Variants in GSTO2 observed in about 807,000 individuals in gnomAD.
The protein encoded by GSTO2 is glutathione S-transferase omega-2.
Under a neutral mutation model 28.4 loss-of-function variants are expected in GSTO2, and 23 were observed. The ratio of observed to expected loss-of-function variants is 0.81; its 90% CI spans 0.58 to 1.15. The LOEUF is 1.15. GSTO2 is among the 50% of genes most tolerant of loss of function. The probability of loss-of-function intolerance (pLI) is 0.00; values close to 1 mark genes in which losing one functional copy is unlikely to be tolerated. For missense variants in GSTO2, 298 were observed against 297.8 expected, an observed-to-expected ratio of 1.00 and a Z score of 0.00; for synonymous variants, 109 against 111.0, an observed-to-expected ratio of 0.98 and a Z score of 0.11.
At position 104,299,767 on chromosome 10, in the gene GSTO2, T is replaced by A. The variant is rs1423719208; in HGVS notation, c.*483T>A. 3.6e-5 allele frequency: 6 copies of A among 166,814 alleles called. No individual in the cohort carries two copies. The highest frequency in any genetic ancestry group is 7.7e-5 in the Non-Finnish European group (6 of 78,114). 10.3% of individuals were successfully genotyped at this position (166,814 alleles called of 1,614,324 possible). On this transcript the variant is annotated 3_prime_UTR_variant, in exon 7 of 7. Coordinates refer to ENST00000338595, the MANE Select transcript of GSTO2 (RefSeq NM_183239.2). ...GTTGAGATTACAGGCATGAGCCACC[T>A]GGCCTGCCTAGCCTGTAGCTTCTAA... is the stretch of plus-strand genomic sequence containing the variant.
At chr10:104,283,906 A>T (rs74154782) in intron 5 of GSTO2, among the ~76,000 whole-genome samples, 9,294 of 152,212 alleles carry the variant, frequency 0.061, 968 homozygotes, top group African/African-American at 0.21. Context: ...CCAAGATTTC[A>T]TGCATAATCT....
intron 5 of GSTO2, among the ~76,000 whole-genome samples, chr10:104,293,563 A>ATATTTTTTTTTTTTTTTTT (rs2012877371): frequency 3.7e-5 from 3 of 81,652 alleles, no homozygotes; most frequent in Non-Finnish European, 4.7e-5. Context: ...CGCCTGGCCA[A>ATATTTTTTTTTTTTTTTTT]TTTTTTTTTT....
At position 104,300,200 on chromosome 10, in the gene GSTO2, T is replaced by A. The variant is rs1320876969; in HGVS notation, c.*916T>A. On this transcript the variant is annotated 3_prime_UTR_variant, in exon 7 of 7. Transcript: ENST00000338595. ...CACCCAGGACTAACTACGTCAGAATTTCACTGGTGCTGTCAGGGCTCAGGA... is the reference window on the plus strand; with the variant it reads ...CACCCAGGACTAACTACGTCAGAATATCACTGGTGCTGTCAGGGCTCAGGA... The A allele has an allele frequency of 6.6e-6, 1 of 152,166 alleles. No individual in the cohort carries two copies. The highest frequency in any genetic ancestry group is 1.5e-5 in the Non-Finnish European group (1 of 68,030). 9.4% of individuals were successfully genotyped at this position (152,166 alleles called of 1,614,324 possible). A position where few individuals can be genotyped will look rare whatever the true frequency, so the allele number is the denominator to read the frequency against.
At chr10:104,285,309 C>T (rs2012354089) in intron 5 of GSTO2, among the ~76,000 whole-genome samples, 1 of 152,006 alleles carries the variant, frequency 6.6e-6, no homozygotes, top group African/African-American at 2.4e-5. Context: ...CTCTCTATTG[C>T]CCAGGTTGGA....
Position 104,278,036 on chromosome 10 carries a change from G to A in GSTO2, c.286G>A (p.Ala96Thr). The change falls in exon 4 of 7, where the codon GCT becomes ACT. Residue 96 changes from alanine (A) to threonine (T), a missense_variant. Physicochemically the swap from Ala to Thr is moderately conservative, Grantham distance 58. Transcript: ENST00000338595. ...SVIACEYLDDAYPGRKLFPYD... is the reference protein window; with the variant it reads ...SVIACEYLDDTYPGRKLFPYD... Reference sequence around the variant, plus strand: ...TATTGCTTGTGAGTACCTGGATGATGCTTATCCAGGAAGGAAGCTGTTTCC... The same window carrying A: ...TATTGCTTGTGAGTACCTGGATGATACTTATCCAGGAAGGAAGCTGTTTCC... 1 of 1,613,936 alleles carries A rather than the reference G, an allele frequency of 6.2e-7. No homozygotes were observed. The highest frequency in any genetic ancestry group is 8.5e-7 in the Non-Finnish European group (1 of 1,179,842).
rs1292043238 is a variant in GSTO2, at chr10:104,278,117, G to T, written c.366+1G>T. The T allele has an allele frequency of 6.2e-7, 1 of 1,611,218 alleles. No homozygotes were observed. The highest frequency in any genetic ancestry group is 1.7e-5 in the Admixed American group (1 of 59,978). Reference sequence around the variant, plus strand: ...GATGTTATTGGAGCTATTTTGTAAGGTATATTCAATTTAAAAAGTCACTCA... The same window carrying T: ...GATGTTATTGGAGCTATTTTGTAAGTTATATTCAATTTAAAAAGTCACTCA... On this transcript the variant is annotated splice_donor_variant, in intron 4 of 6. Coordinates refer to ENST00000338595, the MANE Select transcript of GSTO2 (RefSeq NM_183239.2). LOFTEE classifies it high-confidence loss of function.
intron 5 of GSTO2, chr10:104,291,729 C>CCAAG (rs1463295145): frequency 1.3e-5 from 2 of 152,260 alleles, no homozygotes; most frequent in East Asian, 3.8e-4. Flanking sequence ...CCCCATCCTA[C>CCAAG]CAAGCAGTCC....
At chr10:104,281,544 C>T (rs1173000564) in intron 5 of GSTO2, among the ~76,000 whole-genome samples, 1 of 152,164 alleles carries the variant, frequency 6.6e-6, no homozygotes, top group Non-Finnish European at 1.5e-5. Context: ...GATGGAGATA[C>T]AGTTCTTCTT....
At chr10:104,291,100 C>G (rs1344148568) in intron 5 of GSTO2, among the ~76,000 whole-genome samples, 1 of 152,138 alleles carries the variant, frequency 6.6e-6, no homozygotes, top group African/African-American at 2.4e-5. Context: ...GGAAAAGGGC[C>G]AGTATTGCTG....
chr10:104,269,598 C>T (rs982825571), intron 1 of GSTO2, among the ~76,000 whole-genome samples: 5 of 152,210 alleles, frequency 3.3e-5, no homozygotes, highest in Non-Finnish European at 5.9e-5. Context: ...CCACGAGTCC[C>T]ACGTGTTTAC....
At chr10:104,275,171 T>C in intron 2 of GSTO2, 55 bp from the exon 3 acceptor site, 1 of 1,555,228 alleles carries the variant, frequency 6.4e-7, no homozygotes, top group Middle Eastern at 1.7e-4. Context: ...AGCTCCTTCC[T>C]CACCGGGCTG....
At chr10:104,290,602 A>G (rs946236013) in intron 5 of GSTO2, among the ~76,000 whole-genome samples, 1 of 152,214 alleles carries the variant, frequency 6.6e-6, no homozygotes, top group Non-Finnish European at 1.5e-5. Flanking sequence ...AGCAACATGG[A>G]TGGAACTGGA....
chr10:104,282,553 C>CAAA (rs10715615), intron 5 of GSTO2, among the ~76,000 whole-genome samples: 11 of 102,866 alleles, frequency 1.1e-4, no homozygotes, highest in African/African-American at 3.3e-4. Flanking sequence ...AACCCTATCT[C>CAAA]AAAAAAAAAA....
rs559514833 is a variant in GSTO2 at position 104,292,527 on chromosome 10, A to G, written c.469-5051A>G. On this transcript the variant is annotated intron_variant, in intron 5 of 6. Transcript: ENST00000338595. ...ACCTAGGCTGGAGTGCAGTGGCGTGATCACTGCTCACTTCAGCCTCTACCT... is the reference window on the plus strand; with the variant it reads ...ACCTAGGCTGGAGTGCAGTGGCGTGGTCACTGCTCACTTCAGCCTCTACCT... Among the ~76,000 whole-genome samples, 59 of 151,156 alleles carry G rather than the reference A, an allele frequency of 3.9e-4. 1 individual carries two copies. In the South Asian group the frequency reaches 0.012, roughly 31 times the overall value.
intron 3 of GSTO2, among the ~76,000 whole-genome samples, chr10:104,276,408 C>A (rs979862397): frequency 6.6e-6 from 1 of 152,172 alleles, no homozygotes; most frequent in Non-Finnish European, 1.5e-5. Flanking sequence ...TCAAACTTGG[C>A]ACTGTTGACA....
At chr10:104,287,966 C>T (rs575343687) in intron 5 of GSTO2, among the ~76,000 whole-genome samples, 3 of 148,186 alleles carry the variant, frequency 2.0e-5, no homozygotes, top group Admixed American at 6.8e-5. Context: ...CGGCTCACTG[C>T]GAGCTCCACC....
Position 104,303,694 on chromosome 10 carries a change from G to A in GSTO2, c.*4410G>A, listed in dbSNP as rs989214288. 6.6e-6 allele frequency: 1 copy of A among 152,228 alleles called. No homozygotes were observed. The highest frequency in any genetic ancestry group is 1.5e-5 in the Non-Finnish European group (1 of 68,036). The allele number at this position is 152,228 out of a possible 1,614,324, so 9.4% of individuals were successfully genotyped here. On this transcript the variant is annotated 3_prime_UTR_variant, in exon 7 of 7. Transcript: ENST00000338595. ...ATTTGCATAAGTAAAAAGGAGCCAA[G>A]TGCTAATGGCCAAGAAAATGGGGAA... is the stretch of plus-strand genomic sequence containing the variant.
intron 6 of GSTO2, among the ~76,000 whole-genome samples, chr10:104,298,054 C>T (rs2013127940): frequency 1.3e-5 from 2 of 152,272 alleles, no homozygotes; most frequent in South Asian, 2.1e-4. Flanking sequence ...CACCATATAA[C>T]CTTAGTCATG....
intron 1 of GSTO2, among the ~76,000 whole-genome samples, chr10:104,272,551 T>C (rs940794321): frequency 6.7e-6 from 1 of 148,774 alleles, no homozygotes; most frequent in African/African-American, 2.4e-5. Context: ...AGTTTACTCA[T>C]CTTTTAAAGT....
Sources: allele counts gnomAD v4.1 joint callset (sites outside exome capture counted in the v4.1 genomes callset), GRCh38; gene constraint gnomAD v4.1.1; transcripts MANE v1.5; gene names NCBI Gene and HGNC (gene_info 2026-07-23, HGNC 2026-07-21).